ANAPC4: variants seen among roughly 807,000 people sequenced by gnomAD.
ANAPC4 encodes the protein anaphase-promoting complex subunit 4.
In ANAPC4, 63 loss-of-function variants were observed where a neutral mutation model predicts 119.8. That is an observed-to-expected ratio of 0.53 (90% confidence interval 0.43 to 0.65). The LOEUF (loss-of-function observed/expected upper bound fraction) is 0.65, where lower values mean the gene tolerates loss of function less well. ANAPC4 is among the 30% of genes least tolerant of loss of function. The probability of loss-of-function intolerance (pLI) is 0.00; values close to 1 mark genes in which losing one functional copy is unlikely to be tolerated. For missense variants in ANAPC4, 716 were observed against 945.1 expected (o/e 0.76, Z 3.18); for synonymous variants, 283 against 318.6 (o/e 0.89, Z 1.19).
intron 3 of ANAPC4, among the ~76,000 whole-genome samples, chr4:25,381,923 G>C (rs969574481): frequency 5.4e-5 from 8 of 147,328 alleles, no homozygotes; most frequent in African/African-American, 2.0e-4. Context: ...CTCCAGTGTG[G>C]GCTACAAGAG....
rs776044934 is a variant in ANAPC4 at position 25,388,612 on chromosome 4, A to AT, written c.443+41dup. On this transcript the variant is annotated intron_variant, in intron 5 of 28. Coordinates refer to ENST00000315368, the MANE Select transcript of ANAPC4 (RefSeq NM_013367.3). ...GGTTTCTTTGAAATTAATCTTGCAGATTTCTCTTTCTTCTGCTTTTAACAC... is the reference window on the plus strand; with the variant it reads ...GGTTTCTTTGAAATTAATCTTGCAGATTTTCTCTTTCTTCTGCTTTTAACAC... The AT allele has an allele frequency of 6.4e-6, 10 of 1,570,034 alleles. No homozygotes were observed. The South Asian group carries it at 1.0e-4, about 16-fold the overall frequency.
Position 25,416,448 on chromosome 4 carries a change from A to G in ANAPC4, c.1925A>G (p.Gln642Arg). The change falls in exon 27 of 29, where the codon CAG (glutamine) becomes CGG (arginine). Residue 642 changes from glutamine (Q) to arginine (R), a missense_variant. Physicochemically the swap from Gln to Arg is conservative, Grantham distance 43. Transcript: ENST00000315368. ...AGCATCTACAGTTGTTTAGATGCAC[A>G]GTTTTATGATGATGAAACTGTAACA... Reference protein sequence around the residue: ...RRSIYSCLDAQFYDDETVTVV... With the variant: ...RRSIYSCLDARFYDDETVTVV... 1 of 1,550,384 alleles carries G rather than the reference A, an allele frequency of 6.5e-7. No individual in the cohort carries two copies. The highest frequency in any genetic ancestry group is 8.8e-7 in the Non-Finnish European group (1 of 1,141,188).
chr4:25,392,823 A>C (rs1722426402), intron 10 of ANAPC4, among the ~76,000 whole-genome samples: 1 of 152,158 alleles, frequency 6.6e-6, no homozygotes. Flanking sequence ...GGTTCAGCTG[A>C]TCTTGACTAG....
intron 21 of ANAPC4, among the ~76,000 whole-genome samples, chr4:25,411,931 C>T (rs2109143201): frequency 6.6e-6 from 1 of 152,250 alleles, no homozygotes; most frequent in East Asian, 1.9e-4. Context: ...GCGCAGACCT[C>T]ACAGGATAAG....
At chr4:25,403,260 A>G (rs1161271476) in intron 17 of ANAPC4, among the ~76,000 whole-genome samples, 1 of 152,112 alleles carries the variant, frequency 6.6e-6, no homozygotes, top group Non-Finnish European at 1.5e-5. Context: ...ATTAGTATTT[A>G]ATAAATATAC....
chr4:25,407,280 C>T lies in ANAPC4; in HGVS notation c.1431+27C>T, dbSNP rs772707163. ...TATGGGCTTTGAACTCATTTTAAAA[C>T]CTTAGCAGTGTTCATCTTTGTTATC... On this transcript the variant is annotated intron_variant, in intron 20 of 28. Transcript: ENST00000315368. The T allele has an allele frequency of 5.2e-6, 8 of 1,551,838 alleles. No individual in the cohort carries two copies. In the East Asian group the frequency reaches 1.8e-4, roughly 36 times the overall value.
At chr4:25,388,259 C>T (rs1367828064) in intron 4 of ANAPC4, among the ~76,000 whole-genome samples, 1 of 152,058 alleles carries the variant, frequency 6.6e-6, no homozygotes. Flanking sequence ...TTATTAATAT[C>T]ATTTCTCTAA....
At position 25,415,417 on chromosome 4, in the gene ANAPC4, A is replaced by G. The variant is rs895954987; in HGVS notation, c.1827-49A>G. ...CTTTTAAGCCTTTAGATTATTGACT[A>G]TCCAGGTTGTTCCACAGAGTCTCTT... On this transcript the variant is annotated intron_variant, in intron 25 of 28. Coordinates refer to ENST00000315368, the MANE Select transcript of ANAPC4 (RefSeq NM_013367.3). The G allele has an allele frequency of 3.5e-6, 5 of 1,412,166 alleles. No individual in the cohort carries two copies. The East Asian group carries it at 9.1e-5, about 26-fold the overall frequency. 87.5% of individuals were successfully genotyped at this position (1,412,166 alleles called of 1,614,324 possible).
intron 16 of ANAPC4, among the ~76,000 whole-genome samples, chr4:25,401,409 T>C (rs1722965284): frequency 6.6e-6 from 1 of 152,190 alleles, no homozygotes; most frequent in African/African-American, 2.4e-5. Flanking sequence ...GAATCCTCTG[T>C]TTGTTTTTGA....
In ANAPC4 at chr4:25,400,487, C is replaced by T. The variant is rs548860877; in HGVS notation, c.1215-2484C>T. 5.3e-5 allele frequency among the ~76,000 whole-genome samples: 8 copies of T among 152,080 alleles called. No individual in the cohort carries two copies. The South Asian group carries it at 6.2e-4, about 12-fold the overall frequency. ...TCAGCTGAGAGTAAGGATGGGGAGG[C>T]GGTGTTGGAGGTTTAAGAATACAAG... On this transcript the variant is annotated intron_variant, in intron 16 of 28. Transcript: ENST00000315368.
At chr4:25,380,597 T>C (rs1403552381) in intron 3 of ANAPC4, 118 bp downstream of exon 3, 1 of 607,638 alleles carries the variant, frequency 1.6e-6, no homozygotes, top group Non-Finnish European at 2.5e-6. Context: ...AATATCACTT[T>C]GGGAACTTTT....
At chr4:25,386,244 A>G (rs574760246) in intron 4 of ANAPC4, among the ~76,000 whole-genome samples, 10 of 151,646 alleles carry the variant, frequency 6.6e-5, no homozygotes, top group Admixed American at 4.6e-4. Flanking sequence ...CACAGTTATC[A>G]TTCTGTCACC....
At chr4:25,403,788 A>G (rs73254170) in intron 17 of ANAPC4, among the ~76,000 whole-genome samples, 6,760 of 152,282 alleles carry the variant, frequency 0.044, 160 homozygotes, top group South Asian at 0.078. Context: ...TACCACTTCT[A>G]TTGTGTATTG....
chr4:25,393,714 T>G (rs1172083969), intron 10 of ANAPC4, 91 bp from the exon 11 acceptor site: 1 of 653,070 alleles, frequency 1.5e-6, no homozygotes, highest in African/African-American at 1.9e-5. Flanking sequence ...TCTAGATTTC[T>G]TTGAGACACT....
chr4:25,409,476 A>T (rs1723446308), intron 20 of ANAPC4, among the ~76,000 whole-genome samples: 1 of 152,198 alleles, frequency 6.6e-6, no homozygotes, highest in South Asian at 2.1e-4. Context: ...CACATAGCAG[A>T]TTTTGGCTAC....
At chr4:25,380,600 G>A in intron 3 of ANAPC4, 121 bp downstream of exon 3, 1 of 595,070 alleles carries the variant, frequency 1.7e-6, no homozygotes, top group South Asian at 6.2e-5. Flanking sequence ...ATCACTTTGG[G>A]AACTTTTTAA....
At chr4:25,395,217 T>C (rs1311283924) in intron 14 of ANAPC4, 1 of 200,598 alleles carries the variant, frequency 5.0e-6, no homozygotes, top group East Asian at 1.2e-4. Context: ...GAGATTAACA[T>C]TTTACAGTTT....
chr4:25,408,993 T>C (rs1267766493), intron 20 of ANAPC4, among the ~76,000 whole-genome samples: 2 of 152,202 alleles, frequency 1.3e-5, no homozygotes, highest in African/African-American at 4.8e-5. Flanking sequence ...AGAAAAAGAA[T>C]ACAGTGACTG....
intron 4 of ANAPC4, among the ~76,000 whole-genome samples, chr4:25,385,194 G>A (rs1721963706): frequency 1.3e-5 from 2 of 152,188 alleles, no homozygotes; most frequent in South Asian, 4.1e-4. Flanking sequence ...ATCCTTTGAA[G>A]CTTTGAAGCC....
Sources: gnomAD v4.1 joint callset for allele counts (sites outside exome capture counted in the v4.1 genomes callset) on GRCh38, gnomAD v4.1.1 for gene constraint, MANE v1.5 for transcripts, NCBI Gene and HGNC (gene_info 2026-07-23, HGNC 2026-07-21) for gene names.